TOX3: variants seen among roughly 807,000 people sequenced by gnomAD.
The protein encoded by TOX3 is CAG trinucleotide repeat-containing gene F9 protein.
In TOX3, 22 loss-of-function variants were observed where a neutral mutation model predicts 64.3. The observed-to-expected ratio is 0.34, with a 90% CI of 0.24 to 0.49. The LOEUF (loss-of-function observed/expected upper bound fraction) is 0.49, where lower values mean the gene tolerates loss of function less well. TOX3 is among the 20% of genes least tolerant of loss of function. TOX3 has a pLI of 0.99. For missense variants in TOX3, 661 were observed against 714.4 expected, an observed-to-expected ratio of 0.93 and a Z score of 0.85; for synonymous variants, 291 against 273.6, an observed-to-expected ratio of 1.06 and a Z score of -0.63.
At chr16:52,495,053 G>A (rs1444481996) in intron 1 of TOX3, among the ~76,000 whole-genome samples, 2 of 152,134 alleles carry the variant, frequency 1.3e-5, no homozygotes, top group African/African-American at 4.8e-5. Flanking sequence ...GCTGGGGTTA[G>A]GTACGTTCTT....
At chr16:52,475,186 T>C (rs1295665045) in intron 1 of TOX3, among the ~76,000 whole-genome samples, 1 of 152,190 alleles carries the variant, frequency 6.6e-6, no homozygotes, top group African/African-American at 2.4e-5. Flanking sequence ...CTCCTCCCAC[T>C]AGAATATAAA....
intron 1 of TOX3, among the ~76,000 whole-genome samples, chr16:52,469,235 T>G (rs1451540614): frequency 1.3e-5 from 2 of 152,228 alleles, no homozygotes; most frequent in Non-Finnish European, 2.9e-5. Context: ...ACATCAATTT[T>G]TATTTCATTC....
Position 52,481,551 on chromosome 16 carries a change from T to C in TOX3, c.88-12977A>G, listed in dbSNP as rs141524989. Among the ~76,000 whole-genome samples the C allele has an allele frequency of 2.0e-5, 3 of 152,314 alleles. No individual in the cohort carries two copies. In the East Asian group the frequency reaches 5.8e-4, roughly 29 times the overall value. On this transcript the variant is annotated intron_variant, in intron 1 of 6. Coordinates refer to ENST00000219746, the MANE Select transcript of TOX3 (RefSeq NM_001080430.4). ...GTTCATAAGCATATATAACATATAA[T>C]CACTTAAGCCAAACAAGATTACATC... is the stretch of plus-strand genomic sequence containing the variant.
intron 1 of TOX3, among the ~76,000 whole-genome samples, chr16:52,485,242 G>T (rs1961490835): frequency 1.0e-5 from 1 of 100,478 alleles, no homozygotes; most frequent in African/African-American, 5.5e-5. Flanking sequence ...GTGTATGTGT[G>T]TGTGTATATA....
At chr16:52,498,812 C>T (rs1258925986) in intron 1 of TOX3, among the ~76,000 whole-genome samples, 1 of 152,196 alleles carries the variant, frequency 6.6e-6, no homozygotes, top group Non-Finnish European at 1.5e-5. Context: ...GGGAAGGCCT[C>T]CGAGTGTGCG....
chr16:52,512,923 A>T (rs1290839284), intron 1 of TOX3, among the ~76,000 whole-genome samples: 1 of 152,232 alleles, frequency 6.6e-6, no homozygotes, highest in Non-Finnish European at 1.5e-5. Context: ...ACACGGTGTG[A>T]GTAACGTAAG....
chr16:52,439,736 A>C lies in TOX3; in HGVS notation c.1220T>G (p.Met407Arg). The change falls in exon 7 of 7, where the codon ATG becomes AGG. Residue 407 changes from methionine to arginine, a missense_variant. By Grantham distance (91) the Met-to-Arg change is moderately conservative. Around this residue, in one of 3 missense-constraint regions of TOX3, gnomAD observed 299 missense variants for 292.1 expected, o/e 1.02. Coordinates refer to ENST00000219746, the MANE Select transcript of TOX3 (RefSeq NM_001080430.4). ...IVTSVTIAAN[M>R]PSNIGAPLIS... Reference sequence around the variant, plus strand: ...CAGTGGAGCCCCAATGTTCGAGGGCATGTTGGCTGCAATGGTGACTGATGT... The same window carrying C: ...CAGTGGAGCCCCAATGTTCGAGGGCCTGTTGGCTGCAATGGTGACTGATGT... The C allele has an allele frequency of 6.2e-7, 1 of 1,613,990 alleles. No individual in the cohort carries two copies. Among genetic ancestry groups the C allele is most frequent in the Non-Finnish European group, 8.5e-7 (1 of 1,179,888 alleles).
intron 6 of TOX3, among the ~76,000 whole-genome samples, chr16:52,443,849 A>G (rs1960077153): frequency 6.6e-6 from 1 of 152,114 alleles, no homozygotes; most frequent in Non-Finnish European, 1.5e-5. Context: ...TATGATATGG[A>G]ACAGTTTGGT....
At chr16:52,489,414 G>A (rs1961614609) in intron 1 of TOX3, among the ~76,000 whole-genome samples, 1 of 152,064 alleles carries the variant, frequency 6.6e-6, no homozygotes, top group African/African-American at 2.4e-5. Context: ...AGTCTACTGT[G>A]GACTTCTAAT....
intron 1 of TOX3, among the ~76,000 whole-genome samples, chr16:52,480,841 C>A (rs1961349983): frequency 6.6e-6 from 1 of 152,068 alleles, no homozygotes. Flanking sequence ...AAGCCATAAA[C>A]AGTTATAAAC....
chr16:52,474,663 A>G (rs1318572538), intron 1 of TOX3, among the ~76,000 whole-genome samples: 1 of 151,880 alleles, frequency 6.6e-6, no homozygotes, highest in East Asian at 1.9e-4. Context: ...AAGGAAAGGA[A>G]GAAAGAAGGG....
intron 1 of TOX3, among the ~76,000 whole-genome samples, chr16:52,528,776 A>T (rs1309312337): frequency 6.6e-6 from 1 of 152,212 alleles, no homozygotes; most frequent in Non-Finnish European, 1.5e-5. Flanking sequence ...GTACATTTGT[A>T]TTGCCATGAG....
At chr16:52,531,083 C>T (rs1051996315) in intron 1 of TOX3, among the ~76,000 whole-genome samples, 4 of 152,288 alleles carry the variant, frequency 2.6e-5, no homozygotes, top group Non-Finnish European at 5.9e-5. Context: ...TTTTACCCCA[C>T]TGGCAATTAG....
chr16:52,546,607 C>T (rs1025257733), intron 1 of TOX3, 30 bp downstream of exon 1: 27 of 1,524,024 alleles, frequency 1.8e-5, no homozygotes, highest in Middle Eastern at 4.3e-4. Flanking sequence ...GTGGCCCCCG[C>T]CCCCCGGCCC....
intron 2 of TOX3, among the ~76,000 whole-genome samples, chr16:52,465,384 A>G (rs985183053): frequency 6.7e-6 from 1 of 150,044 alleles, no homozygotes; most frequent in African/African-American, 2.5e-5. Flanking sequence ...GCTCCACCCA[A>G]CCACACTAAC....
chr16:52,458,876 C>G (rs568997354), intron 3 of TOX3, among the ~76,000 whole-genome samples: 2 of 152,058 alleles, frequency 1.3e-5, no homozygotes, highest in Non-Finnish European at 2.9e-5. Context: ...ATAGTAACAG[C>G]TAAATTAAAG....
In TOX3 at chr16:52,439,183, C is replaced by A; in HGVS notation, c.*42G>T. On this transcript the variant is annotated 3_prime_UTR_variant, in exon 7 of 7. Transcript: ENST00000219746. Reference sequence around the variant, plus strand: ...CCACATATGCTTTTCCCTCCTATGCCACTCTCCTTGGTATACGCAAATCCG... The same window carrying A: ...CCACATATGCTTTTCCCTCCTATGCAACTCTCCTTGGTATACGCAAATCCG... The A allele has an allele frequency of 6.2e-7, 1 of 1,612,870 alleles. No homozygotes were observed. Among genetic ancestry groups the A allele is most frequent in the South Asian group, 1.1e-5 (1 of 90,656 alleles).
intron 1 of TOX3, among the ~76,000 whole-genome samples, chr16:52,515,792 C>G (rs1216107340): frequency 6.6e-6 from 1 of 152,230 alleles, no homozygotes; most frequent in Non-Finnish European, 1.5e-5. Context: ...TTAAGGATAT[C>G]TATAGCAAAC....
chr16:52,540,758 G>A (rs1418092161), intron 1 of TOX3, among the ~76,000 whole-genome samples: 2 of 152,206 alleles, frequency 1.3e-5, no homozygotes, highest in South Asian at 2.1e-4. Flanking sequence ...TTCATGTGAC[G>A]ATGTGACACC....
Sources: allele counts gnomAD v4.1 joint callset (sites outside exome capture counted in the v4.1 genomes callset), GRCh38; gene constraint gnomAD v4.1.1; regional missense constraint gnomAD v4.1.1; transcripts MANE v1.5; gene names NCBI Gene and HGNC (gene_info 2026-07-23, HGNC 2026-07-21).